ZNF362: variants seen among roughly 807,000 people sequenced by gnomAD.
ZNF362 encodes the protein rotund homolog.
Under a neutral mutation model 42.9 loss-of-function variants are expected in ZNF362, and 11 were observed. That is an observed-to-expected ratio of 0.26 (90% CI 0.16 to 0.42). The LOEUF (loss-of-function observed/expected upper bound fraction) is 0.42, where lower values mean the gene tolerates loss of function less well. Among genes scored for constraint, ZNF362 ranks in the 20% least tolerant of loss-of-function variants. The pLI is 1.00. For missense variants in ZNF362, 362 were observed against 576.2 expected (o/e 0.63, Z 3.81); for synonymous variants, 255 against 257.3 (o/e 0.99, Z 0.09).
chr1:33,173,380 T>C, the ZNF362 span, among the ~76,000 whole-genome samples: 1 of 152,192 alleles, frequency 6.6e-6, no homozygotes, highest in African/African-American at 2.4e-5. Flanking sequence ...AGGATCAAGC[T>C]CAATGGGTGC....
At chr1:33,183,305 G>T in the ZNF362 span, among the ~76,000 whole-genome samples, 1 of 152,294 alleles carries the variant, frequency 6.6e-6, no homozygotes, top group East Asian at 1.9e-4. Flanking sequence ...CTTTATTGAG[G>T]TACAGTTTAT....
At chr1:33,140,969 T>C in the ZNF362 span, among the ~76,000 whole-genome samples, 45 of 152,192 alleles carry the variant, frequency 3.0e-4, no homozygotes, top group Non-Finnish European at 5.6e-4. This position sits in a 1 kb window ranked among gnomAD's most constrained non-coding sequence, Gnocchi z 4.0. Flanking sequence ...AAAGAGCCGA[T>C]GGCTGGGAGT....
the ZNF362 span, among the ~76,000 whole-genome samples, chr1:33,166,660 G>A: frequency 3.9e-5 from 6 of 152,262 alleles, no homozygotes; most frequent in South Asian, 2.1e-4. Flanking sequence ...ATTGGAACCC[G>A]GACAGCCTGG....
the ZNF362 span, among the ~76,000 whole-genome samples, chr1:33,215,585 A>T: frequency 6.6e-6 from 1 of 152,300 alleles, no homozygotes; most frequent in Admixed American, 6.5e-5. Context: ...TGATGTGATT[A>T]TTACACATTG....
the ZNF362 span, among the ~76,000 whole-genome samples, chr1:33,193,852 A>G: frequency 6.6e-6 from 1 of 152,208 alleles, no homozygotes. Flanking sequence ...ACGGAGGCAT[A>G]TCTTGAAGGC....
At chr1:33,181,488 C>A in the ZNF362 span, 2 of 1,517,080 alleles carry the variant, frequency 1.3e-6, no homozygotes. This position sits in a 1 kb window ranked among gnomAD's most constrained non-coding sequence, Gnocchi z 6.5. Context: ...GCTGAGAGAG[C>A]GCGGCGCTGT....
the ZNF362 span, among the ~76,000 whole-genome samples, chr1:33,128,490 G>A: frequency 6.6e-6 from 1 of 152,224 alleles, no homozygotes; most frequent in Non-Finnish European, 1.5e-5. Context: ...TGAGGCTTAC[G>A]TATGAAGTAA....
At chr1:33,171,931 G>A in the ZNF362 span, among the ~76,000 whole-genome samples, 2 of 152,050 alleles carry the variant, frequency 1.3e-5, no homozygotes, top group Non-Finnish European at 2.9e-5. Flanking sequence ...ATAGGCGCCC[G>A]ACACCACGCC....
rs567367180 is a variant in ZNF362 at position 33,286,363 on chromosome 1, T to C, written c.908+4552T>C. Among the ~76,000 whole-genome samples the C allele has an allele frequency of 2.0e-5, 3 of 152,162 alleles. No homozygotes were observed. In the South Asian group the frequency reaches 6.2e-4, roughly 32 times the overall value. On this transcript the variant is annotated intron_variant, in intron 6 of 8. Coordinates refer to ENST00000539719, the MANE Select transcript of ZNF362 (RefSeq NM_152493.3). ...TTTTTTTCCAAGAAGTAGACTTTGTTTAAAAATATTATTTGAGAACATGAC... is the reference window on the plus strand; with the variant it reads ...TTTTTTTCCAAGAAGTAGACTTTGTCTAAAAATATTATTTGAGAACATGAC...
the ZNF362 span, among the ~76,000 whole-genome samples, chr1:33,167,215 C>A: frequency 6.6e-6 from 1 of 152,204 alleles, no homozygotes; most frequent in African/African-American, 2.4e-5. This position sits in a 1 kb window ranked among gnomAD's most constrained non-coding sequence, Gnocchi z 4.2. Context: ...CCTCCTCATA[C>A]CCTGTCACAC....
At chr1:33,148,216 C>T in the ZNF362 span, among the ~76,000 whole-genome samples, 2 of 152,160 alleles carry the variant, frequency 1.3e-5, no homozygotes, top group African/African-American at 4.8e-5. Flanking sequence ...GGAAGTTCTG[C>T]CCCACACCTT....
the ZNF362 span, among the ~76,000 whole-genome samples, chr1:33,218,212 G>A: frequency 2.0e-5 from 3 of 152,170 alleles, no homozygotes; most frequent in Non-Finnish European, 4.4e-5. Flanking sequence ...AGGCCAAGGT[G>A]GGAGGATCAC....
chr1:33,281,869 G>T lies in ZNF362; in HGVS notation c.908+58G>T. 6.3e-7 allele frequency: 1 copy of T among 1,577,436 alleles called. No individual in the cohort carries two copies. Among genetic ancestry groups the T allele is most frequent in the South Asian group, 1.1e-5 (1 of 89,178 alleles). The stretch of plus-strand genomic sequence containing the variant: ...CGACTCAGCTCAGCACCCGTGGCCT[G>T]GCACATGGAGCCAGTGCAAGGAGGG... On this transcript the variant is annotated intron_variant, in intron 6 of 8. Transcript: ENST00000539719. The surrounding 1 kb of genome is among the most constrained non-coding windows in gnomAD (Gnocchi z 4.8).
At chr1:33,276,209 T>C in intron 3 of ZNF362, 46 bp downstream of exon 3, 2 of 1,608,046 alleles carry the variant, frequency 1.2e-6, no homozygotes, top group Non-Finnish European at 1.7e-6. Flanking sequence ...TCCTTGGCGC[T>C]GCTTCGCTTC....
the ZNF362 span, among the ~76,000 whole-genome samples, chr1:33,161,907 G>A: frequency 6.6e-6 from 1 of 152,032 alleles, no homozygotes; most frequent in Admixed American, 6.6e-5. This position sits in a 1 kb window ranked among gnomAD's most constrained non-coding sequence, Gnocchi z 4.3. Flanking sequence ...CCAGGTCAGC[G>A]CCTTCCATCC....
chr1:33,261,451 C>A (rs1645827339), intron 1 of ZNF362: 1 of 152,138 alleles, frequency 6.6e-6, no homozygotes, highest in Non-Finnish European at 1.5e-5. Flanking sequence ...TTTCTTCCCA[C>A]TGGGTTGTGG....
At chr1:33,251,136 G>A in the ZNF362 span, among the ~76,000 whole-genome samples, 1 of 152,180 alleles carries the variant, frequency 6.6e-6, no homozygotes, top group East Asian at 1.9e-4. Flanking sequence ...AATCTGGAGT[G>A]GAATGAGGTG....
chr1:33,192,594 G>A, the ZNF362 span, among the ~76,000 whole-genome samples: 1 of 152,184 alleles, frequency 6.6e-6, no homozygotes, highest in East Asian at 1.9e-4. Context: ...ATTTAGCAGG[G>A]AGACTCTGGG....
chr1:33,130,108 C>T, the ZNF362 span, among the ~76,000 whole-genome samples: 1 of 152,196 alleles, frequency 6.6e-6, no homozygotes, highest in Non-Finnish European at 1.5e-5. Context: ...ATCCACCTGC[C>T]TTGGCCTCCC....
Sources: gnomAD v4.1 joint callset for allele counts (sites outside exome capture counted in the v4.1 genomes callset) on GRCh38, gnomAD v4.1.1 for gene constraint, Gnocchi (gnomAD v3.1) non-coding constraint, MANE v1.5 for transcripts, NCBI Gene and HGNC (gene_info 2026-07-23, HGNC 2026-07-21) for gene names.